The following TMCO4 variants were observed in gnomAD, a reference collection of about 807,000 sequenced individuals.
The protein encoded by TMCO4 is transmembrane and coiled-coil domain-containing protein 4.
A neutral mutation model predicts 64.7 loss-of-function variants in TMCO4; 58 were observed. The ratio of observed to expected loss-of-function variants is 0.90; its 90% CI spans 0.73 to 1.12. The LOEUF (loss-of-function observed/expected upper bound fraction) is 1.12, where lower values mean the gene tolerates loss of function less well. Among genes scored for constraint, TMCO4 ranks in the 50% most tolerant of loss-of-function variants. The pLI, the probability that TMCO4 is intolerant of heterozygous loss-of-function variation, is 0.00. For synonymous variants in TMCO4, 325 were observed against 346.1 expected (o/e 0.94, Z 0.68); for missense variants, 780 against 825.9 (o/e 0.94, Z 0.68).
chr1:19,704,766 C>G lies in TMCO4; in HGVS notation c.1265-3881G>C, dbSNP rs563281170. Among the ~76,000 whole-genome samples, 6 of 152,286 alleles carry G rather than the reference C, an allele frequency of 3.9e-5. No individual in the cohort carries two copies. The South Asian group carries it at 1.2e-3, about 32-fold the overall frequency. On this transcript the variant is annotated intron_variant, in intron 13 of 15. Coordinates refer to ENST00000294543, the MANE Select transcript of TMCO4 (RefSeq NM_181719.7). ...AGCATTCCTGAGCCACAGTCAGGAT[C>G]CACGGACAGCTGAGCTTCAGGAAAA...
chr1:19,794,367 A>G (rs74058657), intron 2 of TMCO4, among the ~76,000 whole-genome samples: 2,299 of 152,298 alleles, frequency 0.015, 68 homozygotes, highest in African/African-American at 0.053. Context: ...CTTATCTTCG[A>G]TCTCCCTCTG....
chr1:19,772,310 T>G (rs995105296), intron 4 of TMCO4, among the ~76,000 whole-genome samples: 1 of 152,196 alleles, frequency 6.6e-6, no homozygotes. Flanking sequence ...AAGGACGTGC[T>G]TTCTGGAAAA....
intron 6 of TMCO4, among the ~76,000 whole-genome samples, chr1:19,758,326 A>G (rs2042355850): frequency 6.6e-6 from 1 of 152,172 alleles, no homozygotes; most frequent in Non-Finnish European, 1.5e-5. Flanking sequence ...GTAAACTTCC[A>G]TGGAAAAAAG....
At chr1:19,713,952 T>A (rs1157552178) in intron 13 of TMCO4, among the ~76,000 whole-genome samples, 3 of 152,088 alleles carry the variant, frequency 2.0e-5, no homozygotes, top group South Asian at 2.1e-4. Context: ...TATTATTATT[T>A]TTGAGACAGA....
intron 3 of TMCO4, among the ~76,000 whole-genome samples, chr1:19,781,405 T>C (rs1283796047): frequency 2.6e-5 from 4 of 151,352 alleles, no homozygotes; most frequent in Non-Finnish European, 5.9e-5. Context: ...AGTTTAAGGC[T>C]GCAATGAGCT....
At position 19,770,545 on chromosome 1, in the gene TMCO4, C is replaced by T. The variant is rs1309082635; in HGVS notation, c.379G>A (p.Asp127Asn). ...TQDLLSFSLK[D>N]GHYDARARVL... Reference sequence around the variant, plus strand: ...AGAGCTTAGAAAATCAACTTACCATCCTTGAGTGAGAAGCTCAGAAGGTCC... The same window carrying T: ...AGAGCTTAGAAAATCAACTTACCATTCTTGAGTGAGAAGCTCAGAAGGTCC... Residue 127 changes from aspartate to asparagine, a missense_variant, in exon 6 of 16, where the codon GAT becomes AAT. Transcript: ENST00000294543. 1.2e-6 allele frequency: 2 copies of T among 1,613,860 alleles called. No individual in the cohort carries two copies.
intron 13 of TMCO4, among the ~76,000 whole-genome samples, chr1:19,709,334 CCTT>C (rs964732988): frequency 1.3e-5 from 2 of 150,790 alleles, no homozygotes; most frequent in African/African-American, 4.9e-5. Context: ...GACCTCCCCT[CCTT>C]CTCCCCTCCC....
intron 6 of TMCO4, among the ~76,000 whole-genome samples, chr1:19,757,285 G>A (rs2042305998): frequency 6.6e-6 from 1 of 152,100 alleles, no homozygotes; most frequent in African/African-American, 2.4e-5. Flanking sequence ...CACAGTGTTA[G>A]CAAGGAGAGA....
At chr1:19,723,626 A>G (rs1436059274) in intron 13 of TMCO4, among the ~76,000 whole-genome samples, 2 of 152,222 alleles carry the variant, frequency 1.3e-5, no homozygotes, top group African/African-American at 4.8e-5. Flanking sequence ...AGTCACAGCA[A>G]CCAACTTCCA....
intron 14 of TMCO4, among the ~76,000 whole-genome samples, chr1:19,700,506 T>C (rs2095264773): frequency 6.6e-6 from 1 of 151,938 alleles, no homozygotes; most frequent in Non-Finnish European, 1.5e-5. Context: ...CAGCCTCTCC[T>C]GTCATCCTGC....
At chr1:19,694,809 C>T (rs2095224863) in intron 14 of TMCO4, among the ~76,000 whole-genome samples, 1 of 152,178 alleles carries the variant, frequency 6.6e-6, no homozygotes, top group Admixed American at 6.5e-5. Flanking sequence ...CTGCTTTGTT[C>T]CCAGCTGGGT....
At position 19,694,481 on chromosome 1, in the gene TMCO4, C is replaced by T. The variant is rs769093402; in HGVS notation, c.1453G>A (p.Val485Met). The T allele has an allele frequency of 3.3e-5, 54 of 1,614,032 alleles. No individual in the cohort carries two copies. The highest frequency in any genetic ancestry group is 3.1e-4 in the East Asian group (14 of 44,898). The part of the protein sequence containing the change: ...VQLRVAGLQP[V>M]LLQDRRVENV... ...TCCACCCTCCTGTCCTGCAGCAGCA[C>T]GGGCTGTAGGCCGGCGACACGGAGC... Residue 485 changes from valine to methionine, a missense_variant, in exon 15 of 16, where the codon GTG becomes ATG. Physicochemically the swap from Val to Met is conservative, Grantham distance 21. Coordinates refer to ENST00000294543, the MANE Select transcript of TMCO4 (RefSeq NM_181719.7).
chr1:19,685,710 C>CTTTTTTTTTTTTTTTTTT (rs55783904), intron 15 of TMCO4, among the ~76,000 whole-genome samples: 1 of 106,616 alleles, frequency 9.4e-6, no homozygotes, highest in Non-Finnish European at 1.9e-5. Flanking sequence ...AGGCCTGTTT[C>CTTTTTTTTTTTTTTTTTT]TTTTTTTTTT....
chr1:19,700,223 G>A (rs2095262747), intron 14 of TMCO4, among the ~76,000 whole-genome samples: 1 of 152,034 alleles, frequency 6.6e-6, no homozygotes. Context: ...GCCTTCACGG[G>A]CCCCCTCCTC....
At chr1:19,749,637 G>C (rs1291270158) in intron 7 of TMCO4, among the ~76,000 whole-genome samples, 1 of 152,148 alleles carries the variant, frequency 6.6e-6, no homozygotes, top group African/African-American at 2.4e-5. Context: ...CAAAGTGCTG[G>C]GACTACAGGT....
At chr1:19,761,618 C>T (rs565078067) in intron 6 of TMCO4, among the ~76,000 whole-genome samples, 6 of 152,336 alleles carry the variant, frequency 3.9e-5, no homozygotes, top group Non-Finnish European at 5.9e-5. Flanking sequence ...ACAGTCACAG[C>T]GGGACAGTGG....
intron 13 of TMCO4, among the ~76,000 whole-genome samples, chr1:19,708,581 T>C (rs1350416839): frequency 2.6e-5 from 4 of 152,168 alleles, no homozygotes; most frequent in Non-Finnish European, 5.9e-5. Context: ...GAGAACACTT[T>C]CGGACAGTGT....
In TMCO4 at chr1:19,780,664, C is replaced by G; in HGVS notation, c.95G>C (p.Arg32Pro). The G allele has an allele frequency of 6.2e-7, 1 of 1,613,868 alleles. No homozygotes were observed. The highest frequency in any genetic ancestry group is 8.5e-7 in the Non-Finnish European group (1 of 1,179,944). The change falls in exon 4 of 16, where the codon CGG becomes CCG. Residue 32 changes from arginine to proline, a missense_variant. Transcript: ENST00000294543. The part of the protein sequence containing the change: ...AEGEPHLPTG[R>P]ELTEANRFAY... The stretch of plus-strand genomic sequence containing the variant: ...GAAGCGGTTGGCCTCAGTCAGCTCC[C>G]GGCCCGTGGGCAGGTGTGGCTCCCC...
intron 15 of TMCO4, among the ~76,000 whole-genome samples, chr1:19,687,564 T>C (rs1557446114): frequency 6.6e-6 from 1 of 152,150 alleles, no homozygotes; most frequent in Non-Finnish European, 1.5e-5. Context: ...AGTAGGGAGT[T>C]AGCTGGGCTG....
Sources: allele counts gnomAD v4.1 joint callset (sites outside exome capture counted in the v4.1 genomes callset), GRCh38; gene constraint gnomAD v4.1.1; transcripts MANE v1.5; gene names NCBI Gene and HGNC (gene_info 2026-07-23, HGNC 2026-07-21).